Variants in CTNND2 observed in about 807,000 individuals in gnomAD.
The protein encoded by CTNND2 is catenin delta 2.
In CTNND2, 22 loss-of-function variants were observed where a neutral mutation model predicts 144.4. The observed-to-expected ratio is 0.15, with a 90% CI of 0.11 to 0.22. The LOEUF is 0.22. Among genes scored for constraint, CTNND2 ranks in the 10% least tolerant of loss-of-function variants. The pLI is 1.00. For synonymous variants in CTNND2, 751 were observed against 695.6 expected (o/e 1.08, Z -1.25); for missense variants, 1,353 against 1,618.8 (o/e 0.84, Z 2.82).
chr5:11,079,809 T>C (rs61757081), intron 16 of CTNND2, among the ~76,000 whole-genome samples: 1 of 152,216 alleles, frequency 6.6e-6, no homozygotes, highest in Non-Finnish European at 1.5e-5. Context: ...ACTAGACTTT[T>C]ACATAGAAAA....
intron 1 of CTNND2, among the ~76,000 whole-genome samples, chr5:11,777,235 G>C (rs1581867548): frequency 6.6e-6 from 1 of 152,130 alleles, no homozygotes; most frequent in South Asian, 2.1e-4. Flanking sequence ...AGCTACAAAT[G>C]AATCACTTAC....
At chr5:11,188,804 G>C (rs1735936583) in intron 11 of CTNND2, among the ~76,000 whole-genome samples, 1 of 152,070 alleles carries the variant, frequency 6.6e-6, no homozygotes, top group African/African-American at 2.4e-5. Context: ...TATCACCTTG[G>C]AACACTTAAC....
intron 20 of CTNND2, among the ~76,000 whole-genome samples, chr5:10,987,887 A>G (rs563765128): frequency 6.9e-4 from 105 of 152,094 alleles, no homozygotes; most frequent in Admixed American, 1.2e-3. Context: ...AGAGGAAAGG[A>G]CCGATAAAAC....
At chr5:11,198,188 T>C (rs1402931294) in intron 11 of CTNND2, among the ~76,000 whole-genome samples, 1 of 152,226 alleles carries the variant, frequency 6.6e-6, no homozygotes, top group African/African-American at 2.4e-5. Context: ...TATCATACTG[T>C]GTAGATAAAA....
intron 3 of CTNND2, among the ~76,000 whole-genome samples, chr5:11,559,346 A>T (rs990298825): frequency 6.6e-6 from 1 of 152,116 alleles, no homozygotes; most frequent in South Asian, 2.1e-4. Context: ...AACCCTGTCT[A>T]CCTTGAGGCT....
In CTNND2 at chr5:11,411,561, G is replaced by T; in HGVS notation, c.414C>A (p.Asp138Glu). ...IRSLQESGIL[D>E]PQDYSTGERP... is the part of the protein sequence containing the mutation. ...TTTCACCTGTAGAATAATCCTGTGGGTCAAGTATTCCTGATTCCTGTAGTG... is the reference window on the plus strand; with the variant it reads ...TTTCACCTGTAGAATAATCCTGTGGTTCAAGTATTCCTGATTCCTGTAGTG... Residue 138 changes from aspartate (D) to glutamate (E), a missense_variant, in exon 5 of 22, where the codon GAC becomes GAA. Physicochemically the swap from Asp to Glu is conservative, Grantham distance 45. Coordinates refer to ENST00000304623, the MANE Select transcript of CTNND2 (RefSeq NM_001332.4). 1 of 1,605,802 alleles carries T rather than the reference G, an allele frequency of 6.2e-7. No individual in the cohort carries two copies. The highest frequency in any genetic ancestry group is 2.2e-5 in the East Asian group (1 of 44,806).
At chr5:11,497,855 G>T (rs1434323121) in intron 3 of CTNND2, among the ~76,000 whole-genome samples, 1 of 152,154 alleles carries the variant, frequency 6.6e-6, no homozygotes, top group African/African-American at 2.4e-5. Context: ...AATAGGCTTT[G>T]TGTCCCACTG....
chr5:11,150,803 T>TAA (rs1757695307), intron 12 of CTNND2, among the ~76,000 whole-genome samples: 2 of 152,006 alleles, frequency 1.3e-5, no homozygotes, highest in Admixed American at 1.3e-4. Context: ...ATTTTTTATT[T>TAA]TTAGTAGAGA....
At chr5:11,732,905 C>T (rs61763020) in intron 1 of CTNND2, among the ~76,000 whole-genome samples, 13,413 of 151,840 alleles carry the variant, frequency 0.088, 1,179 homozygotes, top group African/African-American at 0.23. Flanking sequence ...CTGCCCCCTA[C>T]GTCCTGGGGA....
intron 9 of CTNND2, among the ~76,000 whole-genome samples, chr5:11,265,691 A>C (rs952378137): frequency 7.2e-6 from 1 of 139,636 alleles, no homozygotes; most frequent in African/African-American, 2.7e-5. Context: ...CACTGTATGT[A>C]TTCTCTATTT....
intron 9 of CTNND2, among the ~76,000 whole-genome samples, chr5:11,332,565 G>A (rs116797533): frequency 0.014 from 2,174 of 152,204 alleles, 64 homozygotes; most frequent in African/African-American, 0.05. Flanking sequence ...CTGTTATACA[G>A]CCATCATCAC....
chr5:11,046,019 C>T (rs1490705391), intron 16 of CTNND2, among the ~76,000 whole-genome samples: 1 of 152,096 alleles, frequency 6.6e-6, no homozygotes. Flanking sequence ...GCTGGCTCAG[C>T]AGCTGTTGGG....
intron 9 of CTNND2, among the ~76,000 whole-genome samples, chr5:11,278,150 C>T (rs1746745607): frequency 6.6e-6 from 1 of 152,142 alleles, no homozygotes; most frequent in Non-Finnish European, 1.5e-5. Flanking sequence ...CAGCTATCTC[C>T]ATCAAGGGTC....
intron 1 of CTNND2, among the ~76,000 whole-genome samples, chr5:11,847,119 T>C (rs930960643): frequency 7.9e-6 from 1 of 126,422 alleles, no homozygotes; most frequent in African/African-American, 2.9e-5. Flanking sequence ...AATCAGTATG[T>C]CAAAGATTTT....
chr5:11,215,917 A>C (rs556418859), intron 10 of CTNND2, among the ~76,000 whole-genome samples: 1 of 152,312 alleles, frequency 6.6e-6, no homozygotes, highest in South Asian at 2.1e-4. Flanking sequence ...TTACATTGAA[A>C]TTTTCAAAAG....
chr5:11,393,024 G>A (rs1012460854), intron 6 of CTNND2, among the ~76,000 whole-genome samples: 3 of 152,050 alleles, frequency 2.0e-5, no homozygotes, highest in African/African-American at 7.2e-5. Context: ...ACCCGCATGA[G>A]TGTGCACCAA....
At chr5:11,197,817 G>C (rs1561006888) in intron 11 of CTNND2, among the ~76,000 whole-genome samples, 1 of 152,178 alleles carries the variant, frequency 6.6e-6, no homozygotes, top group Non-Finnish European at 1.5e-5. Flanking sequence ...CTCAACCTTT[G>C]GCACGTGGCT....
At chr5:11,131,630 A>G (rs1035764251) in intron 12 of CTNND2, among the ~76,000 whole-genome samples, 2 of 152,168 alleles carry the variant, frequency 1.3e-5, no homozygotes, top group Non-Finnish European at 2.9e-5. Context: ...TACTAAAAAA[A>G]TAAAAAAAAT....
chr5:11,018,707 CTTTTTTTTT>C (rs35528177), intron 17 of CTNND2, among the ~76,000 whole-genome samples: 1 of 129,618 alleles, frequency 7.7e-6, no homozygotes, highest in Non-Finnish European at 1.6e-5. Context: ...GGCCCTGACT[CTTTTTTTTT>C]TTTTTTTTTT....
Sources: allele counts gnomAD v4.1 joint callset (sites outside exome capture counted in the v4.1 genomes callset), GRCh38; gene constraint gnomAD v4.1.1; transcripts MANE v1.5; gene names NCBI Gene and HGNC (gene_info 2026-07-23, HGNC 2026-07-21).